Variants in GPHN observed in about 807,000 individuals in gnomAD.
GPHN encodes gephyrin.
In GPHN, 17 loss-of-function variants were observed where a neutral mutation model predicts 95.5. That is an observed-to-expected ratio of 0.18 (90% CI 0.12 to 0.27). GPHN has a LOEUF of 0.27. Among genes scored for constraint, GPHN ranks in the 10% least tolerant of loss-of-function variants. The probability of loss-of-function intolerance (pLI) is 1.00; values close to 1 mark genes in which losing one functional copy is unlikely to be tolerated. For synonymous variants in GPHN, 320 were observed against 322.5 expected (o/e 0.99, Z 0.08); for missense variants, 660 against 978.1 (o/e 0.67, Z 4.34).
chr14:67,107,953 C>T (rs937935801), intron 13 of GPHN, among the ~76,000 whole-genome samples: 1 of 152,146 alleles, frequency 6.6e-6, no homozygotes, highest in Non-Finnish European at 1.5e-5. Flanking sequence ...GCCTGGGATG[C>T]GTAGGTGCTC....
At chr14:67,103,130 T>G (rs1002989084) in intron 13 of GPHN, among the ~76,000 whole-genome samples, 3 of 152,170 alleles carry the variant, frequency 2.0e-5, no homozygotes, top group African/African-American at 4.8e-5. Context: ...CCCAGCATGA[T>G]CTCAGCTCAC....
intron 1 of GPHN, among the ~76,000 whole-genome samples, chr14:66,660,028 G>A (rs984375214): frequency 1.3e-5 from 2 of 151,330 alleles, no homozygotes; most frequent in Non-Finnish European, 3.0e-5. Flanking sequence ...ATATTTTTAG[G>A]AGTTTCATTT....
chr14:66,660,558 TGAAGAGTATTTTTACTG>T (rs1244651725), intron 1 of GPHN, among the ~76,000 whole-genome samples: 1 of 152,124 alleles, frequency 6.6e-6, no homozygotes, highest in Non-Finnish European at 1.5e-5. Context: ...TTTTCATGTC[TGAAGAGTATTTTTACTG>T]GATATAGGAT....
At chr14:67,367,371 C>T in the GPHN span, among the ~76,000 whole-genome samples, 3 of 152,172 alleles carry the variant, frequency 2.0e-5, no homozygotes, top group Non-Finnish European at 4.4e-5. Flanking sequence ...GCTGGGATTA[C>T]AGGCACACAC....
intron 1 of GPHN, among the ~76,000 whole-genome samples, chr14:66,661,826 C>T (rs576612199): frequency 6.6e-6 from 1 of 152,304 alleles, no homozygotes; most frequent in South Asian, 2.1e-4. Context: ...AGCATTCTGT[C>T]CTGTGGGCTT....
At chr14:66,651,863 A>T (rs571333987) in intron 1 of GPHN, among the ~76,000 whole-genome samples, 1 of 151,980 alleles carries the variant, frequency 6.6e-6, no homozygotes, top group Non-Finnish European at 1.5e-5. Context: ...AGTTGCAGGA[A>T]AACAAGCTCA....
At chr14:67,654,409 C>T in the GPHN span, among the ~76,000 whole-genome samples, 2 of 152,190 alleles carry the variant, frequency 1.3e-5, no homozygotes, top group Admixed American at 1.3e-4. Context: ...TCCCAAAGTG[C>T]TAAAATTACA....
chr14:67,256,864 T>A, the GPHN span, among the ~76,000 whole-genome samples: 1 of 151,814 alleles, frequency 6.6e-6, no homozygotes, highest in Non-Finnish European at 1.5e-5. Context: ...AATGTATACA[T>A]TAAAAAAATA....
chr14:66,531,233 A>C (rs1313647754), intron 1 of GPHN, among the ~76,000 whole-genome samples: 7 of 152,108 alleles, frequency 4.6e-5, no homozygotes, highest in African/African-American at 1.4e-4. Context: ...GGCATGAGAC[A>C]CCATGCTTGG....
At chr14:67,319,733 C>T in the GPHN span, among the ~76,000 whole-genome samples, 1 of 152,260 alleles carries the variant, frequency 6.6e-6, no homozygotes, top group African/African-American at 2.4e-5. Flanking sequence ...ACGGGTTGGA[C>T]GAGCTTGAAC....
At chr14:66,731,265 G>A (rs1324920015) in intron 2 of GPHN, among the ~76,000 whole-genome samples, 1 of 152,200 alleles carries the variant, frequency 6.6e-6, no homozygotes, top group African/African-American at 2.4e-5. Context: ...TACCCAAAAA[G>A]GTGGTTGTGA....
the GPHN span, among the ~76,000 whole-genome samples, chr14:67,344,256 C>T: frequency 6.6e-6 from 1 of 152,206 alleles, no homozygotes; most frequent in Admixed American, 6.5e-5. Context: ...TAAACTTTCC[C>T]ATAAAAGCCT....
chr14:67,223,436 A>G, the GPHN span, among the ~76,000 whole-genome samples: 41 of 152,370 alleles, frequency 2.7e-4, no homozygotes, highest in African/African-American at 9.6e-4. Flanking sequence ...AGAGGAGGGC[A>G]TGATTCGCTG....
At chr14:66,924,730 C>T (rs926417407) in intron 8 of GPHN, among the ~76,000 whole-genome samples, 4 of 152,032 alleles carry the variant, frequency 2.6e-5, no homozygotes, top group African/African-American at 4.8e-5. Context: ...TTTTGCATCT[C>T]ATTTTTTTTT....
At chr14:66,778,212 C>G (rs1164625600) in intron 3 of GPHN, among the ~76,000 whole-genome samples, 1 of 152,158 alleles carries the variant, frequency 6.6e-6, no homozygotes, top group Non-Finnish European at 1.5e-5. Flanking sequence ...CATGAGTGAA[C>G]TCCCATTCAC....
At chr14:67,080,220 G>A (rs1364433083) in intron 11 of GPHN, among the ~76,000 whole-genome samples, 1 of 151,786 alleles carries the variant, frequency 6.6e-6, no homozygotes, top group Non-Finnish European at 1.5e-5. Context: ...GCATCTTTGG[G>A]AAAATGTGTA....
the GPHN span, among the ~76,000 whole-genome samples, chr14:67,269,130 C>T: frequency 6.6e-6 from 1 of 152,104 alleles, no homozygotes; most frequent in Non-Finnish European, 1.5e-5. Context: ...AGTATGTGGT[C>T]GTGGTCCTTT....
At chr14:67,199,559 C>A in the GPHN span, 14 of 1,601,020 alleles carry the variant, frequency 8.7e-6, no homozygotes, top group Non-Finnish European at 1.1e-5. Flanking sequence ...TGGGCAGTAC[C>A]TCTGTAACCA....
chr14:66,779,144 A>C (rs968605449), intron 3 of GPHN, among the ~76,000 whole-genome samples: 2 of 152,186 alleles, frequency 1.3e-5, no homozygotes, highest in Non-Finnish European at 2.9e-5. Flanking sequence ...TATTAGCTTC[A>C]GTATGTCAAG....
Sources: allele counts gnomAD v4.1 joint callset (sites outside exome capture counted in the v4.1 genomes callset), GRCh38; gene constraint gnomAD v4.1.1; transcripts MANE v1.5; gene names NCBI Gene and HGNC (gene_info 2026-07-23, HGNC 2026-07-21).